Variants in LRP1B observed in about 807,000 individuals in gnomAD.
The protein encoded by LRP1B is low-density lipoprotein receptor-related protein 1B.
Under a neutral mutation model 556.6 loss-of-function variants are expected in LRP1B, and 217 were observed. That is an observed-to-expected ratio of 0.39 (90% CI 0.35 to 0.44). LRP1B has a LOEUF of 0.44. Among genes scored for constraint, LRP1B ranks in the 20% least tolerant of loss-of-function variants. The pLI is 1.00. For synonymous variants in LRP1B, 2,047 were observed against 1,865.8 expected (o/e 1.10, Z -2.50); for missense variants, 5,053 against 5,620.8 (o/e 0.90, Z 3.23).
intron 43 of LRP1B, among the ~76,000 whole-genome samples, chr2:140,575,202 A>C (rs533341022): frequency 1.3e-5 from 2 of 152,252 alleles, no homozygotes; most frequent in African/African-American, 4.8e-5. Flanking sequence ...GGGGTGAGAG[A>C]GGAACTAGCT....
At chr2:141,660,802 G>A (rs1690188033) in intron 2 of LRP1B, among the ~76,000 whole-genome samples, 1 of 152,280 alleles carries the variant, frequency 6.6e-6, no homozygotes, top group Middle Eastern at 3.4e-3. Flanking sequence ...GCAGCGCAGT[G>A]CACACCTTCC....
chr2:141,352,507 C>T (rs1168128279), intron 3 of LRP1B, among the ~76,000 whole-genome samples: 1 of 151,742 alleles, frequency 6.6e-6, no homozygotes, highest in Non-Finnish European at 1.5e-5. Context: ...GAGTAAGCAC[C>T]TTTTGGTTCT....
intron 41 of LRP1B, among the ~76,000 whole-genome samples, chr2:140,636,807 A>T (rs960111147): frequency 7.2e-5 from 11 of 152,168 alleles, no homozygotes; most frequent in Non-Finnish European, 1.3e-4. Flanking sequence ...GAAGTCTGGG[A>T]AATAAATGCA....
intron 2 of LRP1B, among the ~76,000 whole-genome samples, chr2:141,742,237 T>G (rs1693735348): frequency 1.8e-5 from 1 of 55,698 alleles, no homozygotes; most frequent in African/African-American, 4.6e-5. Context: ...ATTCCTCCAG[T>G]TTTTTTTTTC....
chr2:141,049,099 C>T lies in LRP1B; in HGVS notation c.1676G>A (p.Arg559His), dbSNP rs148591302. 11 of 1,613,342 alleles carry T rather than the reference C, an allele frequency of 6.8e-6. No homozygotes were observed. The highest frequency in any genetic ancestry group is 7.6e-6 in the Non-Finnish European group (9 of 1,179,654). Residue 559 changes from arginine to histidine, a missense_variant, in exon 11 of 91, where the codon CGT becomes CAT. By Grantham distance (29) the Arg-to-His change is conservative. Transcript: ENST00000389484. ...MIPIENLVNP[R>H]ALDFHAETNY... is the part of the protein sequence containing the mutation. Reference sequence around the variant, plus strand: ...GGTTTCTGCGTGAAAGTCTAAAGCACGAGGGTTTACCAGATTTTCTATGGG... The same window carrying T: ...GGTTTCTGCGTGAAAGTCTAAAGCATGAGGGTTTACCAGATTTTCTATGGG...
intron 3 of LRP1B, among the ~76,000 whole-genome samples, chr2:141,342,846 A>C (rs1276069917): frequency 6.6e-6 from 1 of 152,208 alleles, no homozygotes; most frequent in Non-Finnish European, 1.5e-5. Context: ...AGACAGGCCA[A>C]CATTCAAATT....
chr2:141,562,442 C>T (rs944438745), intron 2 of LRP1B, among the ~76,000 whole-genome samples: 1 of 151,902 alleles, frequency 6.6e-6, no homozygotes, highest in Non-Finnish European at 1.5e-5. Context: ...TACTATTACT[C>T]CCCACTACTG....
intron 1 of LRP1B, among the ~76,000 whole-genome samples, chr2:141,982,295 A>C (rs1702065535): frequency 6.6e-6 from 1 of 152,190 alleles, no homozygotes; most frequent in African/African-American, 2.4e-5. Context: ...ACAAGCATTC[A>C]AGAAAGTATT....
intron 1 of LRP1B, among the ~76,000 whole-genome samples, chr2:142,065,019 G>A (rs1392866044): frequency 6.6e-6 from 1 of 151,394 alleles, no homozygotes. Flanking sequence ...TCATGTCACG[G>A]CACTAGCAGC....
intron 35 of LRP1B, among the ~76,000 whole-genome samples, chr2:140,750,953 T>G: frequency 6.6e-6 from 1 of 151,904 alleles, no homozygotes; most frequent in East Asian, 1.9e-4. Context: ...AACATAAAAT[T>G]AGAGTATTTA....
At chr2:141,529,834 AC>A (rs1317553532) in intron 2 of LRP1B, among the ~76,000 whole-genome samples, 1 of 152,150 alleles carries the variant, frequency 6.6e-6, no homozygotes, top group Non-Finnish European at 1.5e-5. Context: ...TGTAGCACTG[AC>A]AGCTTGCTGA....
At chr2:140,280,460 C>T (rs886478045) in intron 84 of LRP1B, among the ~76,000 whole-genome samples, 1 of 151,586 alleles carries the variant, frequency 6.6e-6, no homozygotes, top group African/African-American at 2.4e-5. Flanking sequence ...TACAGTTAAT[C>T]ATCTTATGAA....
At chr2:141,131,453 T>C (rs1701354580) in intron 7 of LRP1B, among the ~76,000 whole-genome samples, 1 of 122,694 alleles carries the variant, frequency 8.2e-6, no homozygotes, top group Admixed American at 8.2e-5. Flanking sequence ...TTCCCTGTTT[T>C]TGTCTCCTTT....
intron 3 of LRP1B, among the ~76,000 whole-genome samples, chr2:141,269,318 C>T (rs991012865): frequency 3.7e-4 from 56 of 152,108 alleles, no homozygotes; most frequent in African/African-American, 1.3e-3. Flanking sequence ...TAGAACAAAG[C>T]TCTAAATCTC....
chr2:140,389,035 A>T (rs1275421783), intron 66 of LRP1B, among the ~76,000 whole-genome samples: 1 of 152,182 alleles, frequency 6.6e-6, no homozygotes, highest in East Asian at 1.9e-4. Context: ...AACGCTCACA[A>T]TATGTAATGT....
chr2:140,777,303 A>AT (rs1689532264), intron 32 of LRP1B, among the ~76,000 whole-genome samples: 1 of 152,324 alleles, frequency 6.6e-6, no homozygotes, highest in South Asian at 2.1e-4. Flanking sequence ...CTGACAGCTG[A>AT]TAAAAAGTGT....
At chr2:140,558,663 G>T (rs1403933404) in intron 43 of LRP1B, among the ~76,000 whole-genome samples, 1 of 152,048 alleles carries the variant, frequency 6.6e-6, no homozygotes, top group African/African-American at 2.4e-5. Flanking sequence ...TTTAGGATGG[G>T]TGCAGTGCTT....
At chr2:141,650,959 A>G (rs1260141134) in intron 2 of LRP1B, among the ~76,000 whole-genome samples, 1 of 152,196 alleles carries the variant, frequency 6.6e-6, no homozygotes, top group African/African-American at 2.4e-5. Context: ...CATTAGTCTG[A>G]ACATTGTTTA....
intron 2 of LRP1B, among the ~76,000 whole-genome samples, chr2:141,620,287 G>A (rs79701424): frequency 2.0e-5 from 3 of 152,176 alleles, no homozygotes; most frequent in Non-Finnish European, 4.4e-5. Context: ...TTCATAAAAG[G>A]GTTGTGAAGA....
Sources: gnomAD v4.1 joint callset for allele counts (sites outside exome capture counted in the v4.1 genomes callset) on GRCh38, gnomAD v4.1.1 for gene constraint, MANE v1.5 for transcripts, NCBI Gene and HGNC (gene_info 2026-07-23, HGNC 2026-07-21) for gene names.